The following NRXN3 variants were observed in gnomAD, a reference collection of about 807,000 sequenced individuals.
NRXN3 encodes neurexin 3.
A neutral mutation model predicts 137.6 loss-of-function variants in NRXN3; 32 were observed. The ratio of observed to expected loss-of-function variants is 0.23; its 90% CI spans 0.18 to 0.31. NRXN3 has a LOEUF of 0.31. Among genes scored for constraint, NRXN3 ranks in the 10% least tolerant of loss-of-function variants. The probability of loss-of-function intolerance (pLI) is 1.00; values close to 1 mark genes in which losing one functional copy is unlikely to be tolerated. For synonymous variants in NRXN3, 798 were observed against 784.5 expected (o/e 1.02, Z -0.29); for missense variants, 1,574 against 2,062.5 (o/e 0.76, Z 4.59).
intron 2 of NRXN3, among the ~76,000 whole-genome samples, chr14:78,248,260 C>T (rs946968560): frequency 4.3e-5 from 6 of 141,042 alleles, no homozygotes; most frequent in African/African-American, 1.6e-4. Flanking sequence ...ATTATAAGCA[C>T]ACCGTTGTGT....
At chr14:78,501,834 A>C (rs60679120) in intron 4 of NRXN3, among the ~76,000 whole-genome samples, 58,326 of 151,934 alleles carry the variant, frequency 0.38, 11,457 homozygotes, top group Admixed American at 0.43. Context: ...TAGATGCCAA[A>C]ACTAAGAATT....
chr14:79,012,627 G>C (rs1479709169), intron 15 of NRXN3, among the ~76,000 whole-genome samples: 1 of 152,092 alleles, frequency 6.6e-6, no homozygotes, highest in African/African-American at 2.4e-5. Flanking sequence ...CCTCTAAGAA[G>C]GCATGCCATT....
At chr14:79,694,251 C>A (rs2098726716) in intron 18 of NRXN3, among the ~76,000 whole-genome samples, 1 of 151,794 alleles carries the variant, frequency 6.6e-6, no homozygotes, top group Non-Finnish European at 1.5e-5. Context: ...TGAGGACGGG[C>A]AAAATAATAC....
chr14:79,189,257 A>T (rs1475016303), intron 15 of NRXN3, among the ~76,000 whole-genome samples: 21 of 152,014 alleles, frequency 1.4e-4, no homozygotes, highest in Non-Finnish European at 2.8e-4. Context: ...TGAAACTGGA[A>T]ATCATCATTC....
intron 15 of NRXN3, among the ~76,000 whole-genome samples, chr14:79,094,840 T>C (rs1476443411): frequency 6.6e-6 from 1 of 151,682 alleles, no homozygotes; most frequent in Non-Finnish European, 1.5e-5. Context: ...AATACTGGGG[T>C]AGAGTTGAAA....
intron 15 of NRXN3, among the ~76,000 whole-genome samples, chr14:79,327,766 C>T (rs2091106111): frequency 6.6e-6 from 1 of 152,134 alleles, no homozygotes. Flanking sequence ...ATTATATATA[C>T]TTGGAGGAGG....
intron 15 of NRXN3, among the ~76,000 whole-genome samples, chr14:79,443,633 A>G (rs1207927647): frequency 6.6e-6 from 1 of 152,236 alleles, no homozygotes; most frequent in East Asian, 1.9e-4. Flanking sequence ...CACTTTCCAA[A>G]AGAAAATCTG....
chr14:78,261,141 C>A (rs183156446), intron 2 of NRXN3, among the ~76,000 whole-genome samples: 3 of 152,266 alleles, frequency 2.0e-5, no homozygotes, highest in Admixed American at 2.0e-4. Flanking sequence ...TCTCTCACCC[C>A]CTATTCAATC....
At chr14:79,683,104 T>G (rs1283358433) in intron 17 of NRXN3, among the ~76,000 whole-genome samples, 6 of 152,200 alleles carry the variant, frequency 3.9e-5, no homozygotes, top group African/African-American at 7.2e-5. Context: ...GAACTTGAAT[T>G]CTAAGCCCCT....
chr14:79,817,304 T>C (rs1356618423), intron 20 of NRXN3, among the ~76,000 whole-genome samples: 1 of 152,128 alleles, frequency 6.6e-6, no homozygotes, highest in African/African-American at 2.4e-5. Flanking sequence ...CTGCCTGCCT[T>C]GGCCTCCCGA....
intron 15 of NRXN3, among the ~76,000 whole-genome samples, chr14:79,405,907 T>C (rs1170929422): frequency 6.6e-6 from 1 of 152,146 alleles, no homozygotes; most frequent in Admixed American, 6.6e-5. Context: ...AAACCATTAT[T>C]TTACAAGGGT....
At chr14:78,523,315 A>G (rs539858803) in intron 4 of NRXN3, among the ~76,000 whole-genome samples, 2 of 152,348 alleles carry the variant, frequency 1.3e-5, no homozygotes, top group East Asian at 3.9e-4. Context: ...TGTAAACTCA[A>G]GGAATAATGC....
rs144077813 is a variant in NRXN3 at position 79,498,509 on chromosome 14, C to G, written c.3444+31107C>G. On this transcript the variant is annotated intron_variant, in intron 16 of 20. Coordinates refer to ENST00000335750, the MANE Select transcript of NRXN3 (RefSeq NM_001330195.2). ...GGAATTCTTGATCCCCCAACCTGCTCCTTACAGAGTGATCCTTGTCTCAGT... is the reference window on the plus strand; with the variant it reads ...GGAATTCTTGATCCCCCAACCTGCTGCTTACAGAGTGATCCTTGTCTCAGT... Among the ~76,000 whole-genome samples the G allele has an allele frequency of 4.8e-3, 733 of 152,272 alleles. 10 individuals are homozygous for G. The highest frequency in any genetic ancestry group is 0.017 in the African/African-American group (699 of 41,552).
chr14:78,384,866 G>A (rs2089705690), intron 4 of NRXN3, among the ~76,000 whole-genome samples: 2 of 152,252 alleles, frequency 1.3e-5, no homozygotes, highest in East Asian at 1.9e-4. Flanking sequence ...TTATCCGTAT[G>A]TATTTTTTGC....
In NRXN3 at chr14:79,343,375, C is replaced by A. The variant is rs142336358; in HGVS notation, c.3263-123846C>A. ...AGTTCAGTCTACCCCCAGGAATGAA[C>A]AAGGACAGCTTGGAGGTTAGAAGCA... On this transcript the variant is annotated intron_variant, in intron 15 of 20. Coordinates refer to ENST00000335750, the MANE Select transcript of NRXN3 (RefSeq NM_001330195.2). Among the ~76,000 whole-genome samples the A allele has an allele frequency of 3.6e-3, 552 of 152,244 alleles. 2 individuals are homozygous for A. Among genetic ancestry groups the A allele is most frequent in the African/African-American group, 0.012 (518 of 41,546 alleles).
At chr14:79,471,900 C>G (rs1009873376) in intron 16 of NRXN3, among the ~76,000 whole-genome samples, 1 of 151,982 alleles carries the variant, frequency 6.6e-6, no homozygotes, top group Non-Finnish European at 1.5e-5. Context: ...TAGGTAAACT[C>G]GTGTCATGGG....
intron 4 of NRXN3, among the ~76,000 whole-genome samples, chr14:78,533,232 A>G (rs2096493441): frequency 6.6e-6 from 1 of 151,242 alleles, no homozygotes; most frequent in South Asian, 2.1e-4. Context: ...AGCTGGGACT[A>G]CAGCCACCAC....
intron 4 of NRXN3, among the ~76,000 whole-genome samples, chr14:78,471,268 C>T (rs2095260765): frequency 2.0e-5 from 3 of 149,742 alleles, no homozygotes; most frequent in Admixed American, 1.4e-4. Context: ...CTCTTTCTTC[C>T]CTTTCTTCTC....
At position 79,174,501 on chromosome 14, in the gene NRXN3, T is replaced by TTATACATA. The variant is rs148858393; in HGVS notation, c.3262+186364_3262+186365insCATATATA. On this transcript the variant is annotated intron_variant, in intron 15 of 20. Coordinates refer to ENST00000335750, the MANE Select transcript of NRXN3 (RefSeq NM_001330195.2). ...TGAATGGCAGTTTCTATTGAAAGTT[T>TTATACATA]TATATATATATATATATACACACAC... Among the ~76,000 whole-genome samples, 664 of 143,550 alleles carry TTATACATA rather than the reference T, an allele frequency of 4.6e-3. 6 individuals carry two copies. Among genetic ancestry groups the TTATACATA allele is most frequent in the Non-Finnish European group, 5.0e-3 (330 of 65,850 alleles). The allele number at this position is 143,550 out of a possible 152,430, so 94.2% of individuals were successfully genotyped here.
Sources: gnomAD v4.1 joint callset for allele counts (sites outside exome capture counted in the v4.1 genomes callset) on GRCh38, gnomAD v4.1.1 for gene constraint, MANE v1.5 for transcripts, NCBI Gene and HGNC (gene_info 2026-07-23, HGNC 2026-07-21) for gene names.